GCLC: variants seen among roughly 807,000 people sequenced by gnomAD.
GCLC encodes the protein glutamate--cysteine ligase catalytic subunit.
In GCLC, 30 loss-of-function variants were observed where a neutral mutation model predicts 81.5. The observed-to-expected ratio is 0.37, with a 90% CI of 0.28 to 0.50. GCLC has a LOEUF of 0.50. GCLC is among the 20% of genes least tolerant of loss of function. The pLI is 0.96. For synonymous variants in GCLC, 262 were observed against 273.3 expected, an observed-to-expected ratio of 0.96 and a Z score of 0.41; for missense variants, 556 against 777.4, an observed-to-expected ratio of 0.72 and a Z score of 3.39.
At chr6:53,511,947 CTTTT>C (rs535000790) in intron 6 of GCLC, among the ~76,000 whole-genome samples, 4 of 113,518 alleles carry the variant, frequency 3.5e-5, no homozygotes, top group Non-Finnish European at 7.4e-5. Flanking sequence ...GAACTTAGTG[CTTTT>C]TTTTTTTTTT....
Position 53,544,749 on chromosome 6 carries a change from A to G in GCLC, c.-104T>C. 8.5e-7 allele frequency: 1 copy of G among 1,172,432 alleles called. No individual in the cohort carries two copies. The highest frequency in any genetic ancestry group is 1.2e-6 in the Non-Finnish European group (1 of 860,190). The allele number at this position is 1,172,432 out of a possible 1,614,324, so 72.6% of individuals were successfully genotyped here. On this transcript the variant is annotated 5_prime_UTR_variant, in exon 1 of 16. Coordinates refer to ENST00000650454, the MANE Select transcript of GCLC (RefSeq NM_001498.4). ...GCCCGCAGAAGGCGGCTGCCGCTCCACCCCGCGGGGGCGCTCTCGGGCCGC... is the reference window on the plus strand; with the variant it reads ...GCCCGCAGAAGGCGGCTGCCGCTCCGCCCCGCGGGGGCGCTCTCGGGCCGC...
Position 53,506,783 on chromosome 6 carries a change from T to G in GCLC, c.1197+130A>C. On this transcript the variant is annotated intron_variant, in intron 10 of 15. Transcript: ENST00000650454. The surrounding 1 kb of genome is among the most constrained non-coding windows in gnomAD (Gnocchi z 4.0). ...AAATGAAAGTCTTATGAAATTTCTT[T>G]TGTGTTCTCCACAGGTACAGAAAAC... is the stretch of plus-strand genomic sequence containing the variant. 1 of 674,058 alleles carries G rather than the reference T, an allele frequency of 1.5e-6. No homozygotes were observed. The highest frequency in any genetic ancestry group is 2.7e-6 in the Non-Finnish European group (1 of 370,250). 41.8% of individuals were successfully genotyped at this position (674,058 alleles called of 1,614,324 possible). A position where few individuals can be genotyped will look rare whatever the true frequency, so the allele number is the denominator to read the frequency against.
chr6:53,506,739 G>C lies in GCLC; in HGVS notation c.1197+174C>G, dbSNP rs1006949285. The C allele has an allele frequency of 1.7e-6, 1 of 601,856 alleles. No homozygotes were observed. The highest frequency in any genetic ancestry group is 3.0e-5 in the Admixed American group (1 of 33,620). 37.3% of individuals were successfully genotyped at this position (601,856 alleles called of 1,614,324 possible). A position where few individuals can be genotyped will look rare whatever the true frequency, so the allele number is the denominator to read the frequency against. Reference sequence around the variant, plus strand: ...TGAAACCGATTTTTTATTTGTCCAAGTTCTTTACTGCACTGGGTAAATGAA... The same window carrying C: ...TGAAACCGATTTTTTATTTGTCCAACTTCTTTACTGCACTGGGTAAATGAA... On this transcript the variant is annotated intron_variant, in intron 10 of 15. Coordinates refer to ENST00000650454, the MANE Select transcript of GCLC (RefSeq NM_001498.4). The surrounding 1 kb of genome is among the most constrained non-coding windows in gnomAD (Gnocchi z 4.0).
intron 1 of GCLC, among the ~76,000 whole-genome samples, chr6:53,538,427 C>T (rs1267775388): frequency 6.6e-6 from 1 of 151,400 alleles, no homozygotes; most frequent in Non-Finnish European, 1.5e-5. Context: ...CCCGGGTTCA[C>T]GCCATTCTCC....
intron 1 of GCLC, among the ~76,000 whole-genome samples, chr6:53,533,610 T>C (rs1763208276): frequency 6.6e-6 from 1 of 152,150 alleles, no homozygotes; most frequent in African/African-American, 2.4e-5. Flanking sequence ...AATTTACCGA[T>C]TTTCATAAGT....
chr6:53,503,419 T>C (rs1042939387), intron 12 of GCLC: 1 of 152,216 alleles, frequency 6.6e-6, no homozygotes, highest in African/African-American at 2.4e-5. Context: ...TAGATAAGAC[T>C]TCTGGCATAC....
At chr6:53,526,527 G>A (rs550992002) in intron 1 of GCLC, among the ~76,000 whole-genome samples, 2 of 152,162 alleles carry the variant, frequency 1.3e-5, no homozygotes, top group African/African-American at 4.8e-5. Flanking sequence ...GGCAGGGCAC[G>A]GTGGCTCATG....
chr6:53,499,864 GCAC>G (rs1383683972), intron 15 of GCLC, among the ~76,000 whole-genome samples, 178 bp downstream of exon 15: 2 of 152,132 alleles, frequency 1.3e-5, no homozygotes, highest in African/African-American at 4.8e-5. Flanking sequence ...AAGAAAAAAA[GCAC>G]TACTAATCTA....
intron 12 of GCLC, chr6:53,505,118 C>G (rs1467315310): frequency 7.3e-6 from 3 of 408,648 alleles, no homozygotes; most frequent in Non-Finnish European, 1.4e-5. Context: ...CTTTCCCTCC[C>G]CATCCTAATT....
At chr6:53,524,192 A>G (rs1317329247) in intron 1 of GCLC, among the ~76,000 whole-genome samples, 2 of 152,218 alleles carry the variant, frequency 1.3e-5, no homozygotes, top group African/African-American at 4.8e-5. Flanking sequence ...ATGCAAAAGC[A>G]GGCTTGATTA....
At chr6:53,534,916 A>G (rs1763234299) in intron 1 of GCLC, among the ~76,000 whole-genome samples, 1 of 152,234 alleles carries the variant, frequency 6.6e-6, no homozygotes, top group Non-Finnish European at 1.5e-5. Context: ...TGCAATCCCA[A>G]TAAAAAACCC....
At chr6:53,534,110 T>C (rs1763218186) in intron 1 of GCLC, among the ~76,000 whole-genome samples, 1 of 152,252 alleles carries the variant, frequency 6.6e-6, no homozygotes, top group Non-Finnish European at 1.5e-5. Context: ...TTCTGTTTTC[T>C]AAGCTCACAC....
chr6:53,540,542 T>C, intron 1 of GCLC, among the ~76,000 whole-genome samples: 1 of 152,120 alleles, frequency 6.6e-6, no homozygotes. Flanking sequence ...TCGGTGAGCA[T>C]GGTTTCAATT....
chr6:53,527,961 T>G (rs1166639260), intron 1 of GCLC, among the ~76,000 whole-genome samples: 1 of 152,198 alleles, frequency 6.6e-6, no homozygotes, highest in East Asian at 1.9e-4. Context: ...CCCTCTAGGT[T>G]ATAAACTGTT....
At chr6:53,530,311 A>C (rs987914724) in intron 1 of GCLC, among the ~76,000 whole-genome samples, 1 of 152,254 alleles carries the variant, frequency 6.6e-6, no homozygotes, top group South Asian at 2.1e-4. Flanking sequence ...TCAGGTTCCC[A>C]TTCAGGAATC....
chr6:53,528,470 T>C (rs894839088), intron 1 of GCLC, among the ~76,000 whole-genome samples: 2 of 152,206 alleles, frequency 1.3e-5, no homozygotes. Flanking sequence ...TATTTGATGA[T>C]TTAAATATAT....
chr6:53,504,390 C>T lies in GCLC; in HGVS notation c.1395+1002G>A, dbSNP rs17887254. Among the ~76,000 whole-genome samples, 611 of 152,258 alleles carry T rather than the reference C, an allele frequency of 4.0e-3. 2 individuals are homozygous for T. The highest frequency in any genetic ancestry group is 0.027 in the Middle Eastern group (8 of 294). On this transcript the variant is annotated intron_variant, in intron 12 of 15. Coordinates refer to ENST00000650454, the MANE Select transcript of GCLC (RefSeq NM_001498.4). ...TAAGTTTGACTTTACAGAGTATGCC[C>T]TTGCAAGACCAGTAGGCCCTTCTCT...
chr6:53,514,562 G>T, intron 4 of GCLC, 65 bp from the exon 5 acceptor site: 1 of 1,109,256 alleles, frequency 9.0e-7, no homozygotes, highest in South Asian at 1.2e-5. Flanking sequence ...AGAAGAATTT[G>T]ATTACATACA....
chr6:53,533,851 A>C (rs181549470), intron 1 of GCLC, among the ~76,000 whole-genome samples: 1 of 150,958 alleles, frequency 6.6e-6, no homozygotes, highest in African/African-American at 2.4e-5. Flanking sequence ...CTGGAGTGCA[A>C]TGGCGCAATC....
Sources: gnomAD v4.1 joint callset for allele counts (sites outside exome capture counted in the v4.1 genomes callset) on GRCh38, gnomAD v4.1.1 for gene constraint, Gnocchi (gnomAD v3.1) non-coding constraint, MANE v1.5 for transcripts, NCBI Gene and HGNC (gene_info 2026-07-23, HGNC 2026-07-21) for gene names.